Variants in PTPRG observed in about 807,000 individuals in gnomAD.
PTPRG encodes the protein receptor-type tyrosine-protein phosphatase gamma.
Under a neutral mutation model 165.3 loss-of-function variants are expected in PTPRG, and 102 were observed. That is an observed-to-expected ratio of 0.62 (90% CI 0.53 to 0.73). The LOEUF (loss-of-function observed/expected upper bound fraction) is 0.73. Among genes scored for constraint, PTPRG ranks in the 30% least tolerant of loss-of-function variants. The pLI is 0.00. For synonymous variants in PTPRG, 675 were observed against 669.5 expected (o/e 1.01, Z -0.13); for missense variants, 1,866 against 1,861.4 (o/e 1.00, Z -0.05).
intron 4 of PTPRG, among the ~76,000 whole-genome samples, chr3:62,043,243 C>T (rs1700183294): frequency 6.6e-6 from 1 of 152,162 alleles, no homozygotes; most frequent in African/African-American, 2.4e-5. Flanking sequence ...GTAGAATCAA[C>T]TCTATAGATA....
At chr3:61,611,688 T>C (rs1450660777) in intron 1 of PTPRG, among the ~76,000 whole-genome samples, 1 of 152,206 alleles carries the variant, frequency 6.6e-6, no homozygotes, top group Admixed American at 6.5e-5. Flanking sequence ...TTGCAGGCCA[T>C]ATGCCTCAGT....
At chr3:62,104,376 C>T (rs913222476) in intron 5 of PTPRG, among the ~76,000 whole-genome samples, 27 of 152,136 alleles carry the variant, frequency 1.8e-4, no homozygotes, top group Non-Finnish European at 2.9e-5. Flanking sequence ...AGCATGAAAT[C>T]GTATAGTTTT....
intron 3 of PTPRG, among the ~76,000 whole-genome samples, chr3:61,995,736 CTT>C (rs2041023578): frequency 2.8e-5 from 4 of 143,702 alleles, no homozygotes; most frequent in African/African-American, 1.0e-4. Flanking sequence ...TCCTTCCTTC[CTT>C]CCTTCCTTCC....
chr3:61,760,402 T>C (rs13319023), intron 2 of PTPRG, among the ~76,000 whole-genome samples: 6,892 of 152,162 alleles, frequency 0.045, 404 homozygotes, highest in African/African-American at 0.13. Flanking sequence ...CTTCTCTTAT[T>C]TTGGGACCTT....
At chr3:61,694,006 T>TC (rs1294075355) in intron 1 of PTPRG, among the ~76,000 whole-genome samples, 2 of 108,162 alleles carry the variant, frequency 1.8e-5, no homozygotes, top group Non-Finnish European at 3.6e-5. Flanking sequence ...AGACTCCATC[T>TC]CCAAAAAAAA....
At chr3:61,766,544 A>T (rs1042362483) in intron 2 of PTPRG, among the ~76,000 whole-genome samples, 1 of 152,114 alleles carries the variant, frequency 6.6e-6, no homozygotes, top group Non-Finnish European at 1.5e-5. Flanking sequence ...TCTTTAGTAG[A>T]CTGCATTATA....
At chr3:62,063,412 G>A (rs893349008) in intron 4 of PTPRG, among the ~76,000 whole-genome samples, 15 of 152,188 alleles carry the variant, frequency 9.9e-5, no homozygotes, top group Non-Finnish European at 1.6e-4. Flanking sequence ...TCAGGAAGAC[G>A]TGCTTTGCTG....
intron 4 of PTPRG, among the ~76,000 whole-genome samples, chr3:62,013,915 T>A (rs1489600751): frequency 6.6e-6 from 1 of 152,128 alleles, no homozygotes; most frequent in African/African-American, 2.4e-5. Context: ...TAAAGCTGGC[T>A]GGGGAGACCT....
intron 6 of PTPRG, among the ~76,000 whole-genome samples, chr3:62,146,049 G>A (rs1704108758): frequency 6.6e-6 from 1 of 152,142 alleles, no homozygotes; most frequent in African/African-American, 2.4e-5. Flanking sequence ...GTCAGTTATG[G>A]CCACCAGAAC....
chr3:61,675,034 C>T (rs1169008046), intron 1 of PTPRG, among the ~76,000 whole-genome samples: 1 of 152,198 alleles, frequency 6.6e-6, no homozygotes, highest in Admixed American at 6.5e-5. Flanking sequence ...AAGCAAGAAA[C>T]AGCCTAGCAT....
At position 62,228,497 on chromosome 3, in the gene PTPRG, G is replaced by T. The variant is rs1004653019; in HGVS notation, c.2289-2728G>T. Among the ~76,000 whole-genome samples, 16 of 147,134 alleles carry T rather than the reference G, an allele frequency of 1.1e-4. No individual in the cohort carries two copies. The highest frequency in any genetic ancestry group is 2.2e-4 in the Non-Finnish European group (15 of 67,184). ...CCATTGCACTCCAGCCTGGGCAACA[G>T]AGCAAAACTCCATCTCAAAAAAAAA... is the stretch of plus-strand genomic sequence containing the variant. On this transcript the variant is annotated intron_variant, in intron 13 of 29. Coordinates refer to ENST00000474889, the MANE Select transcript of PTPRG (RefSeq NM_002841.4). The surrounding 1 kb of genome is among the most constrained non-coding windows in gnomAD (Gnocchi z 4.1).
chr3:61,982,075 G>T (rs1467027651), intron 2 of PTPRG, among the ~76,000 whole-genome samples: 1 of 152,028 alleles, frequency 6.6e-6, no homozygotes, highest in East Asian at 1.9e-4. Flanking sequence ...ATCCTTGGAT[G>T]ATTGTTTCTA....
At chr3:62,288,529 T>C (rs565485198) in intron 28 of PTPRG, among the ~76,000 whole-genome samples, 15 of 151,994 alleles carry the variant, frequency 9.9e-5, no homozygotes, top group African/African-American at 3.4e-4. Flanking sequence ...AAAAATTAGC[T>C]GGACATGGTG....
intron 1 of PTPRG, among the ~76,000 whole-genome samples, chr3:61,732,353 G>A (rs2032534984): frequency 6.6e-6 from 1 of 152,036 alleles, no homozygotes. Flanking sequence ...CGAGGTGGGC[G>A]GATCACGAGG....
At chr3:61,563,104 A>G (rs527254088) in intron 1 of PTPRG, among the ~76,000 whole-genome samples, 1 of 150,440 alleles carries the variant, frequency 6.6e-6, no homozygotes, top group South Asian at 2.1e-4. Flanking sequence ...GCTCTGCTCG[A>G]TTGGATTGCC....
chr3:62,007,690 G>A (rs1415316097), intron 4 of PTPRG, among the ~76,000 whole-genome samples: 1 of 152,206 alleles, frequency 6.6e-6, no homozygotes, highest in Non-Finnish European at 1.5e-5. Flanking sequence ...AAATATATGT[G>A]CAATTTCATT....
At chr3:62,078,760 G>A (rs555683328) in intron 5 of PTPRG, among the ~76,000 whole-genome samples, 2 of 152,164 alleles carry the variant, frequency 1.3e-5, no homozygotes, top group African/African-American at 2.4e-5. Context: ...TTATCCTTCT[G>A]TCCTCTCTTT....
intron 4 of PTPRG, among the ~76,000 whole-genome samples, chr3:62,042,968 G>T (rs1035513231): frequency 1.3e-5 from 2 of 152,068 alleles, no homozygotes; most frequent in Non-Finnish European, 2.9e-5. Context: ...TTTTACTTAC[G>T]TACAATTAAG....
At chr3:61,742,537 A>G in intron 1 of PTPRG, 1 of 1,595,644 alleles carries the variant, frequency 6.3e-7, no homozygotes, top group Middle Eastern at 1.7e-4. Flanking sequence ...GAGCAATGAC[A>G]CCAAGAAGTT....
Sources: allele counts gnomAD v4.1 joint callset (sites outside exome capture counted in the v4.1 genomes callset), GRCh38; gene constraint gnomAD v4.1.1; non-coding constraint Gnocchi (gnomAD v3.1); transcripts MANE v1.5; gene names NCBI Gene and HGNC (gene_info 2026-07-23, HGNC 2026-07-21).